The following COL5A1 variants were observed in gnomAD, a reference collection of about 807,000 sequenced individuals.
COL5A1 encodes the protein collagen type V alpha 1 chain, also known as collagen alpha-1(V) chain.
COL5A1 carries 16 observed loss-of-function variants against 263.7 expected under a neutral mutation model. The ratio of observed to expected loss-of-function variants is 0.06; its 90% CI spans 0.04 to 0.09. COL5A1 has a LOEUF of 0.09. Among genes scored for constraint, COL5A1 ranks in the 10% least tolerant of loss-of-function variants. The probability of loss-of-function intolerance (pLI) is 1.00; values close to 1 mark genes in which losing one functional copy is unlikely to be tolerated. For synonymous variants in COL5A1, 1,012 were observed against 1,004.5 expected (o/e 1.01, Z -0.14); for missense variants, 2,036 against 2,540.5 (o/e 0.80, Z 4.27).
intron 64 of COL5A1, among the ~76,000 whole-genome samples, chr9:134,831,008 TCC>T (rs1190260746): frequency 2.0e-5 from 3 of 152,180 alleles, no homozygotes. Flanking sequence ...GCCCAGATTC[TCC>T]TTTCCCTCCC....
At chr9:134,828,083 G>T (rs1301444990) in intron 63 of COL5A1, among the ~76,000 whole-genome samples, 2 of 152,224 alleles carry the variant, frequency 1.3e-5, no homozygotes, top group Non-Finnish European at 2.9e-5. Context: ...AGTCCAGGCT[G>T]GGGACAGGCC....
intron 1 of COL5A1, among the ~76,000 whole-genome samples, chr9:134,654,764 G>T (rs1001972973): frequency 5.6e-5 from 8 of 143,788 alleles, no homozygotes; most frequent in African/African-American, 2.1e-4. Context: ...TGTGTGTAGG[G>T]CTTGTGGTGT....
At chr9:134,804,427 T>G (rs924319328) in intron 39 of COL5A1, among the ~76,000 whole-genome samples, 1 of 152,182 alleles carries the variant, frequency 6.6e-6, no homozygotes, top group Non-Finnish European at 1.5e-5. Context: ...GATAAGTCCA[T>G]TTAGGACGAT....
chr9:134,701,476 C>T, intron 4 of COL5A1, 143 bp downstream of exon 4: 1 of 841,674 alleles, frequency 1.2e-6, no homozygotes. Flanking sequence ...TCAGAAGCCT[C>T]TGCTGCCATC....
chr9:134,669,238 TTCCCTTCCCTTCCCTTCCC>T (rs1832458699), intron 1 of COL5A1, among the ~76,000 whole-genome samples: 1 of 39,102 alleles, frequency 2.6e-5, no homozygotes, highest in African/African-American at 1.6e-4. Flanking sequence ...TTCCCTTTCC[TTCCCTTCCCTTCCCTTCCC>T]TTCCCTTCCC....
At chr9:134,805,102 G>C (rs1056687978) in intron 40 of COL5A1, 38 bp downstream of exon 40, 1 of 1,613,670 alleles carries the variant, frequency 6.2e-7, no homozygotes, top group Admixed American at 1.7e-5. Flanking sequence ...AATGGGACAG[G>C]TGCAGCCCTG....
intron 4 of COL5A1, among the ~76,000 whole-genome samples, chr9:134,718,009 G>T (rs1046715673): frequency 3.4e-5 from 5 of 146,466 alleles, no homozygotes; most frequent in African/African-American, 1.2e-4. Context: ...GCCTGGGCTG[G>T]GGGGCCGCGG....
intron 34 of COL5A1, among the ~76,000 whole-genome samples, chr9:134,795,799 G>A (rs924033724): frequency 1.3e-5 from 2 of 152,254 alleles, no homozygotes; most frequent in Non-Finnish European, 2.9e-5. Flanking sequence ...TCTGGACACA[G>A]ACCCAGCAGG....
At chr9:134,822,715 G>A (rs1309630340) in intron 59 of COL5A1, among the ~76,000 whole-genome samples, 10 of 106,724 alleles carry the variant, frequency 9.4e-5, no homozygotes, top group East Asian at 2.6e-4. Context: ...GCTCTTTTCC[G>A]CTGCGCCCCC....
chr9:134,795,434 A>T, intron 34 of COL5A1, 119 bp downstream of exon 34: 1 of 864,390 alleles, frequency 1.2e-6, no homozygotes, highest in South Asian at 1.7e-5. Context: ...AAAAGGCAGG[A>T]CATTTTCTTA....
chr9:134,841,920 C>G lies in COL5A1; in HGVS notation c.5371-237C>G, dbSNP rs1208721731. Among the ~76,000 whole-genome samples the G allele has an allele frequency of 1.3e-5, 2 of 152,114 alleles. No individual in the cohort carries two copies. The highest frequency in any genetic ancestry group is 2.9e-5 in the Non-Finnish European group (2 of 68,014). On this transcript the variant is annotated intron_variant, in intron 65 of 65. Transcript: ENST00000371817. The surrounding 1 kb of genome is among the most constrained non-coding windows in gnomAD (Gnocchi z 4.8). ...GGAGGGTCCTGTCGCCTCGCTGATG[C>G]CCACACCACCCCACCTCCGACCTGT...
Position 134,814,779 on chromosome 9 carries a change from C to G in COL5A1, c.3907-18C>G, listed in dbSNP as rs1838675880. On this transcript the variant is annotated intron_variant, in intron 49 of 65. Transcript: ENST00000371817. ...CGTGGTTGGCTCTGAGGACTTGACA[C>G]TGGCCTCTTTCCTCCAGGGACCCAA... The G allele has an allele frequency of 3.9e-6, 6 of 1,542,898 alleles. No homozygotes were observed. The highest frequency in any genetic ancestry group is 5.3e-6 in the Non-Finnish European group (6 of 1,139,206).
intron 27 of COL5A1, among the ~76,000 whole-genome samples, chr9:134,779,066 G>A (rs930541388): frequency 6.6e-6 from 1 of 152,236 alleles, no homozygotes; most frequent in African/African-American, 2.4e-5. Context: ...GGGAAGTTCT[G>A]ACCACCAGAG....
intron 27 of COL5A1, among the ~76,000 whole-genome samples, chr9:134,777,328 C>T (rs550692712): frequency 4.2e-4 from 64 of 152,356 alleles, no homozygotes; most frequent in Admixed American, 1.6e-3. Context: ...TGCTCCTTCC[C>T]GGGGCGGCTG....
rs564419556 is a variant in COL5A1, at chr9:134,830,752, G to A, written c.5136+708G>A. Among the ~76,000 whole-genome samples the A allele has an allele frequency of 7.9e-5, 12 of 152,342 alleles. No homozygotes were observed. In the South Asian group the frequency reaches 1.2e-3, roughly 16 times the overall value. On this transcript the variant is annotated intron_variant, in intron 64 of 65. Coordinates refer to ENST00000371817, the MANE Select transcript of COL5A1 (RefSeq NM_000093.5). ...ACAGAATCCATCCCTGAAAGGAAACGACATTGGCCTCCCAGGAAAGAACCA... is the reference window on the plus strand; with the variant it reads ...ACAGAATCCATCCCTGAAAGGAAACAACATTGGCCTCCCAGGAAAGAACCA...
At chr9:134,837,362 G>A (rs900297153) in intron 65 of COL5A1, among the ~76,000 whole-genome samples, 8 of 152,084 alleles carry the variant, frequency 5.3e-5, no homozygotes, top group Non-Finnish European at 8.8e-5. Context: ...GACAATGCTA[G>A]AAAGATGGAT....
At chr9:134,801,851 G>A in intron 37 of COL5A1, 103 bp from the exon 38 acceptor site, 1 of 1,004,204 alleles carries the variant, frequency 1.0e-6, no homozygotes. Flanking sequence ...CATCTACTCT[G>A]GGGGGAAGGG....
At chr9:134,687,595 C>T (rs1295777311) in intron 1 of COL5A1, among the ~76,000 whole-genome samples, 1 of 152,202 alleles carries the variant, frequency 6.6e-6, no homozygotes, top group African/African-American at 2.4e-5. Flanking sequence ...CGGAGCTGGC[C>T]TTCTGTGCAT....
At chr9:134,768,614 C>A in intron 25 of COL5A1, 151 bp downstream of exon 25, 1 of 733,326 alleles carries the variant, frequency 1.4e-6, no homozygotes, top group Non-Finnish European at 2.3e-6. Context: ...TCCAGTTGGA[C>A]TGCTCGGTCA....
Sources: gnomAD v4.1 joint callset for allele counts (sites outside exome capture counted in the v4.1 genomes callset) on GRCh38, gnomAD v4.1.1 for gene constraint, Gnocchi (gnomAD v3.1) non-coding constraint, MANE v1.5 for transcripts, NCBI Gene and HGNC (gene_info 2026-07-23, HGNC 2026-07-21) for gene names.